Variants in CDKAL1 observed in about 807,000 individuals in gnomAD.
The protein encoded by CDKAL1 is CDKAL1 threonylcarbamoyladenosine tRNA methylthiotransferase.
In CDKAL1, 32 loss-of-function variants were observed where a neutral mutation model predicts 68.2. That is an observed-to-expected ratio of 0.47 (90% CI 0.35 to 0.63). The LOEUF is 0.63. Ranked by LOEUF, CDKAL1 falls within the 30% of genes least tolerant of loss-of-function variation. The probability of loss-of-function intolerance (pLI) is 0.00; values close to 1 mark genes in which losing one functional copy is unlikely to be tolerated. For synonymous variants in CDKAL1, 234 were observed against 244.3 expected (o/e 0.96, Z 0.39); for missense variants, 606 against 696.7 (o/e 0.87, Z 1.47).
At chr6:20,546,720 T>A (rs1200528831) in intron 3 of CDKAL1, among the ~76,000 whole-genome samples, 197 bp downstream of exon 3, 2 of 151,910 alleles carry the variant, frequency 1.3e-5, no homozygotes, top group Non-Finnish European at 2.9e-5. Context: ...TACCTGGCTA[T>A]TTTTTGTATT....
intron 13 of CDKAL1, among the ~76,000 whole-genome samples, chr6:21,130,265 C>A (rs954191995): frequency 1.4e-5 from 2 of 147,046 alleles, no homozygotes; most frequent in Non-Finnish European, 3.0e-5. Context: ...GCTCTTGTTC[C>A]CCAGGCTGGA....
At chr6:20,742,098 G>C (rs569202147) in intron 6 of CDKAL1, among the ~76,000 whole-genome samples, 1 of 151,890 alleles carries the variant, frequency 6.6e-6, no homozygotes, top group Non-Finnish European at 1.5e-5. Context: ...TGTTAGCCGC[G>C]TGTATGTCTT....
chr6:20,891,580 G>A (rs1761404293), intron 9 of CDKAL1, among the ~76,000 whole-genome samples: 1 of 145,390 alleles, frequency 6.9e-6, no homozygotes, highest in Non-Finnish European at 1.5e-5. Context: ...CTGTCACCAG[G>A]CTGGAGTGTA....
At chr6:21,091,130 A>G (rs1251216601) in intron 12 of CDKAL1, among the ~76,000 whole-genome samples, 1 of 152,192 alleles carries the variant, frequency 6.6e-6, no homozygotes, top group East Asian at 1.9e-4. Context: ...ATTTAGAAGG[A>G]AAGATTAAGA....
At chr6:20,544,976 TG>T (rs1763540017) in intron 2 of CDKAL1, among the ~76,000 whole-genome samples, 1 of 151,862 alleles carries the variant, frequency 6.6e-6, no homozygotes, top group Admixed American at 6.6e-5. Flanking sequence ...TGTGTGTGTG[TG>T]TGTGTGTGTG....
chr6:21,140,356 G>T (rs1775834993), intron 13 of CDKAL1, among the ~76,000 whole-genome samples: 1 of 152,180 alleles, frequency 6.6e-6, no homozygotes, highest in Non-Finnish European at 1.5e-5. Flanking sequence ...TACTTGCATT[G>T]AGACCAAATG....
chr6:20,870,672 C>CT (rs1173235585), intron 9 of CDKAL1, among the ~76,000 whole-genome samples: 1 of 152,124 alleles, frequency 6.6e-6, no homozygotes, highest in Non-Finnish European at 1.5e-5. Flanking sequence ...TAGGAAGAGC[C>CT]TGGGTAGTGA....
At chr6:20,987,441 G>T (rs1048374688) in intron 10 of CDKAL1, among the ~76,000 whole-genome samples, 1 of 152,064 alleles carries the variant, frequency 6.6e-6, no homozygotes, top group Non-Finnish European at 1.5e-5. Context: ...TTTTAGTAAA[G>T]ACGGGGTTTT....
chr6:21,180,531 A>G (rs1400693341), intron 13 of CDKAL1, among the ~76,000 whole-genome samples: 4 of 152,106 alleles, frequency 2.6e-5, no homozygotes, highest in Non-Finnish European at 5.9e-5. Flanking sequence ...TCTTACACTG[A>G]TTTCTAGAAA....
intron 9 of CDKAL1, among the ~76,000 whole-genome samples, chr6:20,903,699 C>A (rs1375404529): frequency 6.6e-6 from 1 of 152,158 alleles, no homozygotes; most frequent in Admixed American, 6.5e-5. Flanking sequence ...GAAACTGAAG[C>A]CCATGTGCAT....
At chr6:20,920,043 T>G (rs1762881144) in intron 9 of CDKAL1, among the ~76,000 whole-genome samples, 1 of 152,196 alleles carries the variant, frequency 6.6e-6, no homozygotes, top group African/African-American at 2.4e-5. Context: ...TATTTTGTGC[T>G]GGATTGGGGA....
At position 21,232,012 on chromosome 6, in the gene CDKAL1, T is replaced by TTTTG. The variant is rs1554200403; in HGVS notation, c.*976_*977insGTTT. The stretch of plus-strand genomic sequence containing the variant: ...TTGGGGTTTTTTTTTTGTTTTTGTT[T>TTTTG]TTTTTTTTTTTTGAGTCAAGGTCTC... On this transcript the variant is annotated 3_prime_UTR_variant, in exon 16 of 16. Transcript: ENST00000274695. 6.1e-5 allele frequency: 9 copies of TTTTG among 146,596 alleles called. No homozygotes were observed. The highest frequency in any genetic ancestry group is 2.0e-4 in the African/African-American group (8 of 40,140). 9.1% of individuals were successfully genotyped at this position (146,596 alleles called of 1,614,324 possible).
chr6:20,791,260 A>G (rs149739165), intron 8 of CDKAL1, among the ~76,000 whole-genome samples: 26 of 152,340 alleles, frequency 1.7e-4, no homozygotes, highest in African/African-American at 6.3e-4. Flanking sequence ...CACAGGTTTA[A>G]TCAGCACAAT....
chr6:20,893,847 CTGA>C (rs796543403), intron 9 of CDKAL1, among the ~76,000 whole-genome samples: 11 of 152,088 alleles, frequency 7.2e-5, no homozygotes, highest in African/African-American at 2.4e-4. Flanking sequence ...ACTCACGATA[CTGA>C]TGATGATGAT....
At chr6:20,935,539 G>C (rs1244975483) in intron 9 of CDKAL1, among the ~76,000 whole-genome samples, 1 of 150,730 alleles carries the variant, frequency 6.6e-6, no homozygotes, top group East Asian at 2.0e-4. Flanking sequence ...AGAGATTCTT[G>C]CGCCTCAAGC....
intron 8 of CDKAL1, among the ~76,000 whole-genome samples, chr6:20,835,688 C>T (rs1777909529): frequency 6.6e-6 from 1 of 152,094 alleles, no homozygotes; most frequent in Non-Finnish European, 1.5e-5. Context: ...GCTGGGATTA[C>T]AGGCGTGCGC....
intron 11 of CDKAL1, among the ~76,000 whole-genome samples, chr6:21,003,363 T>C (rs1379136961): frequency 8.5e-5 from 5 of 58,806 alleles, no homozygotes; most frequent in African/African-American, 5.6e-4. Context: ...TATATATATA[T>C]ATATATATAC....
At chr6:20,978,869 C>G (rs1234755444) in intron 10 of CDKAL1, among the ~76,000 whole-genome samples, 2 of 152,168 alleles carry the variant, frequency 1.3e-5, no homozygotes, top group African/African-American at 4.8e-5. Context: ...TGTTGGGGCA[C>G]TAGCATAGTA....
intron 8 of CDKAL1, among the ~76,000 whole-genome samples, chr6:20,842,513 T>A (rs1273556172): frequency 2.6e-5 from 4 of 152,204 alleles, no homozygotes; most frequent in African/African-American, 9.7e-5. Flanking sequence ...ACCCGTCTTA[T>A]ACAATAAAGA....
Sources: allele counts gnomAD v4.1 joint callset (sites outside exome capture counted in the v4.1 genomes callset), GRCh38; gene constraint gnomAD v4.1.1; transcripts MANE v1.5; gene names NCBI Gene and HGNC (gene_info 2026-07-23, HGNC 2026-07-21).